Variants in SGMS1 observed in about 807,000 individuals in gnomAD.
The protein encoded by SGMS1 is sphingomyelin synthase 1.
In SGMS1, 13 loss-of-function variants were observed where a neutral mutation model predicts 46.2. The ratio of observed to expected loss-of-function variants is 0.28; its 90% CI spans 0.18 to 0.45. The LOEUF (loss-of-function observed/expected upper bound fraction) is 0.45. SGMS1 is among the 20% of genes least tolerant of loss of function. The probability of loss-of-function intolerance (pLI) is 1.00; values close to 1 mark genes in which losing one functional copy is unlikely to be tolerated. For missense variants in SGMS1, 324 were observed against 519.9 expected, an observed-to-expected ratio of 0.62 and a Z score of 3.66; for synonymous variants, 203 against 187.8, an observed-to-expected ratio of 1.08 and a Z score of -0.66.
intron 2 of SGMS1, among the ~76,000 whole-genome samples, chr10:50,530,849 C>A (rs533797155): frequency 2.8e-4 from 43 of 152,208 alleles, no homozygotes; most frequent in Admixed American, 2.8e-3. Flanking sequence ...CACTAAAAAT[C>A]TATGAGGATA....
intron 2 of SGMS1, among the ~76,000 whole-genome samples, chr10:50,549,996 C>G (rs2144861): frequency 0.2 from 30,304 of 152,064 alleles, 3,944 homozygotes; most frequent in East Asian, 0.63. Context: ...GAAAGTTCAA[C>G]GGGAAATAAT....
In SGMS1 at chr10:50,343,483, T is replaced by C; in HGVS notation, c.623+9A>G. On this transcript the variant is annotated intron_variant, in intron 7 of 10. Transcript: ENST00000361781. The stretch of plus-strand genomic sequence containing the variant: ...AATCATTGAATCTTAGAGCTTTTAC[T>C]TGACTTACTTGTATTTTAAGAGCAG... 6.3e-7 allele frequency: 1 copy of C among 1,578,908 alleles called. No individual in the cohort carries two copies. The highest frequency in any genetic ancestry group is 8.6e-7 in the Non-Finnish European group (1 of 1,165,162).
chr10:50,461,003 C>CT (rs1430284479), intron 4 of SGMS1, among the ~76,000 whole-genome samples, 189 bp from the exon 5 acceptor site: 2 of 152,000 alleles, frequency 1.3e-5, no homozygotes, highest in Non-Finnish European at 2.9e-5. Context: ...TCTTTTCTAG[C>CT]TTTTTAATTG....
At chr10:50,625,160 A>G (rs1309519176), upstream of SGMS1, 22 of 700,652 alleles carry the variant, frequency 3.1e-5, no homozygotes, top group Non-Finnish European at 3.7e-5. Context: ...GCCAGAAGCA[A>G]ACTGCGGCGA....
intron 6 of SGMS1, among the ~76,000 whole-genome samples, chr10:50,431,658 C>T (rs1849405336): frequency 6.6e-6 from 1 of 151,894 alleles, no homozygotes; most frequent in Admixed American, 6.6e-5. Flanking sequence ...TTTGTTTTTA[C>T]TCTCTCCCTA....
chr10:50,537,684 G>T (rs552044310), intron 2 of SGMS1, among the ~76,000 whole-genome samples: 96 of 136,148 alleles, frequency 7.1e-4, no homozygotes, highest in Non-Finnish European at 1.2e-3. Context: ...GTGAAACCAA[G>T]GTTTCAGTGG....
At chr10:50,574,828 G>C (rs3011707) in intron 2 of SGMS1, among the ~76,000 whole-genome samples, 39,823 of 151,556 alleles carry the variant, frequency 0.26, 5,453 homozygotes, top group South Asian at 0.31. Flanking sequence ...AAATGTTTCC[G>C]ATGATGAATA....
At chr10:50,351,572 G>A (rs1453418197) in intron 6 of SGMS1, among the ~76,000 whole-genome samples, 2 of 152,170 alleles carry the variant, frequency 1.3e-5, no homozygotes. Flanking sequence ...ATCATGGGCA[G>A]TTTCCTCCAT....
At chr10:50,562,769 C>A (rs1303844920) in intron 2 of SGMS1, among the ~76,000 whole-genome samples, 1 of 152,150 alleles carries the variant, frequency 6.6e-6, no homozygotes, top group Non-Finnish European at 1.5e-5. Context: ...TGGTCTTGAT[C>A]TCCTGACCTC....
rs1837547629 is a variant in SGMS1, at chr10:50,489,191, T to G, written c.-497-22259A>C. Among the ~76,000 whole-genome samples the G allele has an allele frequency of 2.0e-5, 3 of 152,224 alleles. No homozygotes were observed. In the South Asian group the frequency reaches 6.2e-4, roughly 31 times the overall value. ...TGAAGTGGGCATAAGGAGTAATCTT[T>G]TAAGTTATCTTTCATTGAAAATACA... On this transcript the variant is annotated intron_variant, in intron 3 of 10. Transcript: ENST00000361781.
intron 2 of SGMS1, among the ~76,000 whole-genome samples, chr10:50,580,892 A>T (rs188131021): frequency 5.4e-4 from 82 of 152,344 alleles, no homozygotes; most frequent in African/African-American, 1.9e-3. Context: ...ACTTAAAAAC[A>T]GTAAAGAAGG....
At chr10:50,312,789 G>T (rs1847278166) in intron 8 of SGMS1, among the ~76,000 whole-genome samples, 1 of 152,110 alleles carries the variant, frequency 6.6e-6, no homozygotes, top group Admixed American at 6.6e-5. Context: ...TCCAAAACAA[G>T]GGAGTAAACA....
At chr10:50,584,398 C>G (rs564779140) in intron 2 of SGMS1, among the ~76,000 whole-genome samples, 1 of 149,124 alleles carries the variant, frequency 6.7e-6, no homozygotes, top group Non-Finnish European at 1.5e-5. Flanking sequence ...ACTTGGGAGG[C>G]TGAAGCAGGA....
At chr10:50,349,948 A>G (rs1404667440) in intron 6 of SGMS1, among the ~76,000 whole-genome samples, 1 of 152,224 alleles carries the variant, frequency 6.6e-6, no homozygotes, top group Non-Finnish European at 1.5e-5. Flanking sequence ...AAAATGTGGA[A>G]GCGACTTTGG....
At chr10:50,621,351 G>T (rs1838848313) in intron 1 of SGMS1, among the ~76,000 whole-genome samples, 1 of 152,246 alleles carries the variant, frequency 6.6e-6, no homozygotes, top group South Asian at 2.1e-4. Context: ...AAGTTTTCAA[G>T]CTAAAATTGA....
chr10:50,577,204 G>A (rs1838393140), intron 2 of SGMS1, among the ~76,000 whole-genome samples: 1 of 152,196 alleles, frequency 6.6e-6, no homozygotes, highest in Admixed American at 6.5e-5. Flanking sequence ...GGCAACAACT[G>A]TGATGATCAA....
At chr10:50,525,221 T>C (rs1289623272) in intron 2 of SGMS1, among the ~76,000 whole-genome samples, 1 of 152,192 alleles carries the variant, frequency 6.6e-6, no homozygotes. Context: ...TGGAGTTACA[T>C]GTTGGCTCCT....
intron 6 of SGMS1, among the ~76,000 whole-genome samples, chr10:50,430,091 T>C (rs1319659569): frequency 2.0e-5 from 3 of 152,132 alleles, no homozygotes; most frequent in Admixed American, 6.6e-5. Context: ...GTTCAGACTG[T>C]TCCTTTCTGC....
chr10:50,369,704 A>G (rs1041484306), intron 6 of SGMS1, among the ~76,000 whole-genome samples: 1 of 152,218 alleles, frequency 6.6e-6, no homozygotes, highest in East Asian at 1.9e-4. Flanking sequence ...GGCTGCACTG[A>G]AAAGAACCAG....
Sources: allele counts gnomAD v4.1 joint callset (sites outside exome capture counted in the v4.1 genomes callset), GRCh38; gene constraint gnomAD v4.1.1; transcripts MANE v1.5; gene names NCBI Gene and HGNC (gene_info 2026-07-23, HGNC 2026-07-21).